Variants in ST18 observed in about 807,000 individuals in gnomAD.
ST18 encodes the protein ST18 C2H2C-type zinc finger transcription factor.
In ST18, 50 loss-of-function variants were observed where a neutral mutation model predicts 110.0. The observed-to-expected ratio is 0.45, with a 90% CI of 0.36 to 0.58. ST18 has a LOEUF of 0.58. ST18 is among the 20% of genes least tolerant of loss of function. The pLI is 0.00. For synonymous variants in ST18, 461 were observed against 452.4 expected, an observed-to-expected ratio of 1.02 and a Z score of -0.24; for missense variants, 1,306 against 1,280.1, an observed-to-expected ratio of 1.02 and a Z score of -0.31.
intron 2 of ST18, among the ~76,000 whole-genome samples, chr8:52,386,912 C>T (rs1362921810): frequency 1.3e-5 from 2 of 152,178 alleles, no homozygotes; most frequent in African/African-American, 4.8e-5. Flanking sequence ...GATAAATGCT[C>T]TAATAATCCA....
At chr8:52,240,184 T>A (rs2093259616) in intron 2 of ST18, among the ~76,000 whole-genome samples, 1 of 152,154 alleles carries the variant, frequency 6.6e-6, no homozygotes, top group African/African-American at 2.4e-5. Flanking sequence ...TGGTTCTCAT[T>A]AGTCTTTTAG....
chr8:52,391,431 T>C (rs528025375), intron 2 of ST18, among the ~76,000 whole-genome samples: 114 of 152,254 alleles, frequency 7.5e-4, no homozygotes, highest in African/African-American at 2.6e-3. Flanking sequence ...CAAATTGCCA[T>C]GGAAGCATGG....
At chr8:52,376,898 G>A (rs746733061) in intron 2 of ST18, among the ~76,000 whole-genome samples, 1 of 152,126 alleles carries the variant, frequency 6.6e-6, no homozygotes, top group Non-Finnish European at 1.5e-5. Flanking sequence ...GACTTTGATG[G>A]GTCCAAGATT....
intron 2 of ST18, among the ~76,000 whole-genome samples, chr8:52,327,962 T>C (rs1271856857): frequency 6.6e-6 from 1 of 152,220 alleles, no homozygotes; most frequent in African/African-American, 2.4e-5. Context: ...ATTGTCTTTA[T>C]AGCTGAGATG....
At position 52,113,190 on chromosome 8, in the gene ST18, C is replaced by T. The variant is rs765814553; in HGVS notation, c.*8G>A. 6.2e-7 allele frequency: 1 copy of T among 1,613,688 alleles called. No homozygotes were observed. The highest frequency in any genetic ancestry group is 1.1e-5 in the South Asian group (1 of 91,030). On this transcript the variant is annotated 3_prime_UTR_variant, in exon 26 of 26. Coordinates refer to ENST00000689386, the MANE Select transcript of ST18 (RefSeq NM_001352837.2). ...TGGTAACTTCTGTTGCCCGGCAGCGCTGTGATCCTACACATGGATACCCTT... is the reference window on the plus strand; with the variant it reads ...TGGTAACTTCTGTTGCCCGGCAGCGTTGTGATCCTACACATGGATACCCTT...
At chr8:52,373,674 C>T (rs902484722) in intron 2 of ST18, among the ~76,000 whole-genome samples, 7 of 152,162 alleles carry the variant, frequency 4.6e-5, no homozygotes, top group African/African-American at 9.7e-5. Flanking sequence ...TTCATGTCTT[C>T]ACTCTCCTCT....
intron 9 of ST18, among the ~76,000 whole-genome samples, chr8:52,172,966 C>A (rs1241675739): frequency 1.3e-5 from 2 of 152,076 alleles, no homozygotes; most frequent in Non-Finnish European, 2.9e-5. Flanking sequence ...TTCTTAGGTT[C>A]CTAACTCTTA....
chr8:52,264,079 G>T (rs377282404), intron 2 of ST18, among the ~76,000 whole-genome samples: 3 of 152,112 alleles, frequency 2.0e-5, no homozygotes, highest in African/African-American at 4.8e-5. Flanking sequence ...GATTACAGGC[G>T]TGAGCCACCA....
At chr8:52,239,005 T>C (rs980811541) in intron 2 of ST18, among the ~76,000 whole-genome samples, 3 of 151,970 alleles carry the variant, frequency 2.0e-5, no homozygotes, top group Non-Finnish European at 4.4e-5. Flanking sequence ...CCTATATCTA[T>C]ACCAATAAAA....
chr8:52,128,080 T>C (rs1388050910), intron 22 of ST18, among the ~76,000 whole-genome samples: 1 of 152,144 alleles, frequency 6.6e-6, no homozygotes, highest in Non-Finnish European at 1.5e-5. Flanking sequence ...GAAATTCTCC[T>C]GCCTCAGCCT....
chr8:52,281,903 AG>A (rs2095385473), intron 2 of ST18, among the ~76,000 whole-genome samples: 1 of 152,192 alleles, frequency 6.6e-6, no homozygotes, highest in Non-Finnish European at 1.5e-5. Context: ...AAATGGTGGG[AG>A]ATGGGTGAAG....
At position 52,295,154 on chromosome 8, in the gene ST18, C is replaced by CT. The variant is rs564734777; in HGVS notation, c.-464-65078dup. ...GTCCTAATCGTCACACGTGTAACCA[C>CT]TTTTTTCTTTTTTTCACATTTGTAT... is the stretch of plus-strand genomic sequence containing the variant. On this transcript the variant is annotated intron_variant, in intron 2 of 25. Coordinates refer to ENST00000689386, the MANE Select transcript of ST18 (RefSeq NM_001352837.2). Among the ~76,000 whole-genome samples the CT allele has an allele frequency of 2.5e-3, 374 of 152,226 alleles. 1 individual carries two copies. The highest frequency in any genetic ancestry group is 4.2e-3 in the Non-Finnish European group (288 of 68,014).
intron 2 of ST18, chr8:52,406,523 G>A (rs188839029): frequency 1.3e-5 from 2 of 152,336 alleles, no homozygotes; most frequent in East Asian, 1.9e-4. Context: ...GGGGCCCTAG[G>A]AACTGTGAGG....
At chr8:52,123,857 T>C (rs1319778161) in intron 23 of ST18, among the ~76,000 whole-genome samples, 2 of 152,248 alleles carry the variant, frequency 1.3e-5, no homozygotes, top group Non-Finnish European at 2.9e-5. Context: ...CTGTTCTGTA[T>C]TTATCTTTCT....
At chr8:52,358,518 T>C (rs995778887) in intron 2 of ST18, among the ~76,000 whole-genome samples, 10 of 151,988 alleles carry the variant, frequency 6.6e-5, no homozygotes, top group Non-Finnish European at 1.3e-4. Context: ...GTGGAACTAT[T>C]GCTACTAACT....
intron 7 of ST18, among the ~76,000 whole-genome samples, chr8:52,213,624 G>T (rs1016864594): frequency 2.6e-5 from 4 of 152,086 alleles, no homozygotes; most frequent in Non-Finnish European, 5.9e-5. Flanking sequence ...CAGATGTTTA[G>T]ATCATCAAGG....
chr8:52,202,374 A>G (rs982045216), intron 8 of ST18, among the ~76,000 whole-genome samples: 12 of 152,232 alleles, frequency 7.9e-5, no homozygotes, highest in Admixed American at 2.0e-4. Context: ...GTCTTCAAAA[A>G]GTAGTCAGCA....
chr8:52,137,730 T>C (rs1232971762), intron 17 of ST18: 3 of 442,100 alleles, frequency 6.8e-6, no homozygotes, highest in Non-Finnish European at 1.2e-5. Flanking sequence ...CATTCGATTA[T>C]TTGATTCCAT....
chr8:52,264,166 A>G (rs568956072), intron 2 of ST18, among the ~76,000 whole-genome samples: 76 of 152,310 alleles, frequency 5.0e-4, no homozygotes, highest in African/African-American at 1.8e-3. Flanking sequence ...ACTCTTTAAA[A>G]CAGTGATGTT....
Sources: gnomAD v4.1 joint callset for allele counts (sites outside exome capture counted in the v4.1 genomes callset) on GRCh38, gnomAD v4.1.1 for gene constraint, MANE v1.5 for transcripts, NCBI Gene and HGNC (gene_info 2026-07-23, HGNC 2026-07-21) for gene names.